The following ZNF610 variants were observed in gnomAD, a reference collection of about 807,000 sequenced individuals.
The protein encoded by ZNF610 is zinc finger protein 610, also known as zink finger protein.
In ZNF610, 14 loss-of-function variants were observed where a neutral mutation model predicts 14.1. The observed-to-expected ratio is 0.99, with a 90% confidence interval of 0.65 to 1.55. The LOEUF (loss-of-function observed/expected upper bound fraction) is 1.55, where lower values mean the gene tolerates loss of function less well. Ranked by LOEUF, ZNF610 falls within the 40% of genes most tolerant of loss-of-function variation. ZNF610 has a pLI of 0.00. For synonymous variants in ZNF610, 185 were observed against 187.6 expected (o/e 0.99, Z 0.11); for missense variants, 530 against 558.0 (o/e 0.95, Z 0.51).
chr19:52,331,627 G>T (rs1365341495), upstream of ZNF610, among the ~76,000 whole-genome samples: 1 of 152,136 alleles, frequency 6.6e-6, no homozygotes, highest in Non-Finnish European at 1.5e-5. Context: ...TTTGCTGAGG[G>T]ACATGTCTCC....
chr19:52,364,975 G>C (rs1985946755), intron 5 of ZNF610, among the ~76,000 whole-genome samples: 1 of 152,148 alleles, frequency 6.6e-6, no homozygotes, highest in Non-Finnish European at 1.5e-5. Context: ...GCTGGGCACG[G>C]TGGCTCACGC....
chr19:52,361,941 G>A (rs748080040), intron 5 of ZNF610, among the ~76,000 whole-genome samples: 1 of 151,978 alleles, frequency 6.6e-6, no homozygotes, highest in Non-Finnish European at 1.5e-5. Flanking sequence ...TTATTTTAGT[G>A]ATGAGGTCTC....
At chr19:52,360,589 CTAATGTGTAGAGTGTTTCTAT>C (rs1209903331) in intron 5 of ZNF610, among the ~76,000 whole-genome samples, 2 of 152,122 alleles carry the variant, frequency 1.3e-5, no homozygotes, top group Non-Finnish European at 2.9e-5. Context: ...CCTCGTATTC[CTAATGTGTAGAGTGTTTCTAT>C]CATCAGTAGT....
intron 1 of ZNF610, among the ~76,000 whole-genome samples, chr19:52,342,213 C>T (rs1008410962): frequency 6.6e-6 from 1 of 152,076 alleles, no homozygotes; most frequent in African/African-American, 2.4e-5. Flanking sequence ...AAAATGTATC[C>T]AGATGGAGGC....
At position 52,352,528 on chromosome 19, in the gene ZNF610, G is replaced by A. The variant is rs149987597; in HGVS notation, c.64-1154G>A. The stretch of plus-strand genomic sequence containing the variant: ...GCTGTGATTACATGTGTGAGTCACC[G>A]CACCGGGCCAAAACTTGCTTTCAAT... On this transcript the variant is annotated intron_variant, in intron 3 of 5. Transcript: ENST00000403906. 1.6e-3 allele frequency among the ~76,000 whole-genome samples: 244 copies of A among 152,260 alleles called. 2 individuals are homozygous for A. The highest frequency in any genetic ancestry group is 5.4e-3 in the African/African-American group (223 of 41,554).
chr19:52,337,072 C>T (rs1388376453), intron 1 of ZNF610, among the ~76,000 whole-genome samples: 1 of 152,028 alleles, frequency 6.6e-6, no homozygotes, highest in African/African-American at 2.4e-5. Context: ...GAGAATGTAG[C>T]AGGGGGAGAA....
chr19:52,335,076 G>T (rs321920), upstream of ZNF610, among the ~76,000 whole-genome samples: 106,992 of 151,208 alleles, frequency 0.71, 38,638 homozygotes, highest in African/African-American at 0.84. Context: ...GTGGGGGGGG[G>T]GTGTGGATCA....
intron 3 of ZNF610, among the ~76,000 whole-genome samples, chr19:52,350,016 TTCTC>T (rs1006503802): frequency 1.3e-5 from 2 of 152,202 alleles, no homozygotes; most frequent in African/African-American, 4.8e-5. Flanking sequence ...AGAGAGGACA[TTCTC>T]TCTTCTTTCT....
At chr19:52,352,063 G>A (rs963404612) in intron 3 of ZNF610, among the ~76,000 whole-genome samples, 11 of 152,106 alleles carry the variant, frequency 7.2e-5, no homozygotes, top group Admixed American at 5.9e-4. Flanking sequence ...CTGTGGCTTC[G>A]CATTCCTGTG....
At chr19:52,350,276 C>T (rs746402149) in intron 3 of ZNF610, among the ~76,000 whole-genome samples, 8 of 152,224 alleles carry the variant, frequency 5.3e-5, no homozygotes, top group Admixed American at 2.0e-4. Flanking sequence ...AAATACGAAG[C>T]CTCCCCTGCC....
intron 5 of ZNF610, among the ~76,000 whole-genome samples, chr19:52,360,166 C>T (rs1471588825): frequency 6.6e-6 from 1 of 152,134 alleles, no homozygotes; most frequent in Non-Finnish European, 1.5e-5. Context: ...AGGACCCTCT[C>T]TCGGGAGGTC....
chr19:52,332,219 G>T (rs1841458768), upstream of ZNF610, among the ~76,000 whole-genome samples: 1 of 152,226 alleles, frequency 6.6e-6, no homozygotes, highest in Non-Finnish European at 1.5e-5. This position sits in a 1 kb window ranked among gnomAD's most constrained non-coding sequence, Gnocchi z 4.1. Context: ...ATTTGCAGTT[G>T]TAAAGTTCTG....
At chr19:52,356,312 G>A (rs1274289301) in intron 5 of ZNF610, among the ~76,000 whole-genome samples, 2 of 152,122 alleles carry the variant, frequency 1.3e-5, no homozygotes, top group African/African-American at 2.4e-5. Context: ...CCCTGTATTC[G>A]ATCCCTAGGT....
At chr19:52,363,126 C>CTTTTT (rs201606200) in intron 5 of ZNF610, among the ~76,000 whole-genome samples, 1 of 148,010 alleles carries the variant, frequency 6.8e-6, no homozygotes, top group African/African-American at 2.5e-5. Flanking sequence ...GGTTCTATCC[C>CTTTTT]CTTTTTTTTT....
intron 5 of ZNF610, among the ~76,000 whole-genome samples, chr19:52,358,112 AGT>A (rs772572270): frequency 3.3e-5 from 5 of 152,122 alleles, no homozygotes; most frequent in African/African-American, 4.8e-5. Flanking sequence ...CACTTACCAG[AGT>A]GTCTTTCAGG....
chr19:52,363,765 G>T (rs1220822479), intron 5 of ZNF610, among the ~76,000 whole-genome samples: 3 of 152,114 alleles, frequency 2.0e-5, no homozygotes, highest in African/African-American at 7.2e-5. Context: ...AGAGTTAAAG[G>T]GAGTCTGTCG....
At chr19:52,354,195 G>A in intron 4 of ZNF610, 56 bp from the exon 5 acceptor site, 1 of 1,603,254 alleles carries the variant, frequency 6.2e-7, no homozygotes, top group Non-Finnish European at 8.5e-7. Flanking sequence ...CCTAAACACA[G>A]GGTTTGGGTT....
chr19:52,356,575 G>A (rs321946), intron 5 of ZNF610, among the ~76,000 whole-genome samples: 40,250 of 151,960 alleles, frequency 0.26, 6,721 homozygotes, highest in African/African-American at 0.47. Context: ...TTTTTTAAAT[G>A]CACAGGGTAT....
intron 1 of ZNF610, among the ~76,000 whole-genome samples, chr19:52,345,947 A>G (rs905717414): frequency 2.4e-4 from 36 of 149,176 alleles, no homozygotes; most frequent in Admixed American, 7.3e-4. Context: ...CTCGTGATCC[A>G]CCCGCCTTGA....
Sources: gnomAD v4.1 joint callset for allele counts (sites outside exome capture counted in the v4.1 genomes callset) on GRCh38, gnomAD v4.1.1 for gene constraint, Gnocchi (gnomAD v3.1) non-coding constraint, MANE v1.5 for transcripts, NCBI Gene and HGNC (gene_info 2026-07-23, HGNC 2026-07-21) for gene names.